The following CD96 variants were observed in gnomAD, a reference collection of about 807,000 sequenced individuals.
The protein encoded by CD96 is CD96 molecule, also known as T-cell surface protein tactile.
In CD96, 70 loss-of-function variants were observed where a neutral mutation model predicts 71.3. That is an observed-to-expected ratio of 0.98 (90% CI 0.81 to 1.20). CD96 has a LOEUF of 1.20. CD96 is among the 50% of genes most tolerant of loss of function. CD96 has a pLI of 0.00. For missense variants in CD96, 742 were observed against 677.5 expected, an observed-to-expected ratio of 1.10 and a Z score of -1.06; for synonymous variants, 248 against 233.0, an observed-to-expected ratio of 1.06 and a Z score of -0.59.
At chr3:111,584,393 C>T (rs1936607265) in intron 4 of CD96, among the ~76,000 whole-genome samples, 1 of 152,212 alleles carries the variant, frequency 6.6e-6, no homozygotes, top group South Asian at 2.1e-4. Flanking sequence ...CATCCTCTGC[C>T]TGTTACCCAG....
chr3:111,593,389 A>T lies in CD96; in HGVS notation c.808-4731A>T, dbSNP rs918717508. 3.6e-5 allele frequency: 34 copies of T among 933,856 alleles called. No individual in the cohort carries two copies. In the African/African-American group the frequency reaches 4.9e-4, roughly 14 times the overall value. The allele number at this position is 933,856 out of a possible 1,614,324, so 57.8% of individuals were successfully genotyped here. A position where few individuals can be genotyped will look rare whatever the true frequency, so the allele number is the denominator to read the frequency against. On this transcript the variant is annotated intron_variant, in intron 5 of 13. Transcript: ENST00000352690. ...AACCTCGTAGATAAGCATTTGGTCA[A>T]TTCAGACCTGCTCAGATTAACTCAT... is the stretch of plus-strand genomic sequence containing the variant.
chr3:111,580,638 CA>C (rs1936423439), intron 4 of CD96, among the ~76,000 whole-genome samples: 1 of 152,104 alleles, frequency 6.6e-6, no homozygotes, highest in Non-Finnish European at 1.5e-5. Context: ...GAAGAAAACA[CA>C]AAATTGCCTC....
chr3:111,602,563 T>C (rs1937521321), intron 7 of CD96, among the ~76,000 whole-genome samples: 2 of 152,308 alleles, frequency 1.3e-5, no homozygotes, highest in East Asian at 3.9e-4. Context: ...CTGGCATATA[T>C]CTATGTGACT....
chr3:111,565,675 T>G (rs1365587342), intron 2 of CD96, among the ~76,000 whole-genome samples: 1 of 151,972 alleles, frequency 6.6e-6, no homozygotes, highest in Non-Finnish European at 1.5e-5. Flanking sequence ...GCTAAGTGAT[T>G]TTTTTTCTCC....
intron 2 of CD96, among the ~76,000 whole-genome samples, chr3:111,550,797 G>T (rs947700760): frequency 9.2e-5 from 14 of 152,114 alleles, no homozygotes; most frequent in Admixed American, 3.9e-4. Context: ...GATTCACTAA[G>T]TTAACACATT....
chr3:111,592,203 C>T (rs1338279467), intron 5 of CD96, among the ~76,000 whole-genome samples: 1 of 152,152 alleles, frequency 6.6e-6, no homozygotes, highest in Non-Finnish European at 1.5e-5. Flanking sequence ...GTGCAGAGGC[C>T]AGAGTACTTT....
chr3:111,637,976 T>C, intron 11 of CD96, 103 bp from the exon 12 acceptor site: 1 of 786,648 alleles, frequency 1.3e-6, no homozygotes, highest in East Asian at 2.5e-5. Context: ...ACTTAGACAA[T>C]TTAAATTGAG....
chr3:111,629,264 G>T (rs1349562818), intron 10 of CD96, among the ~76,000 whole-genome samples: 1 of 152,118 alleles, frequency 6.6e-6, no homozygotes, highest in Non-Finnish European at 1.5e-5. Flanking sequence ...GTCTTCAAGA[G>T]ACCCATCTCA....
At chr3:111,637,406 A>C (rs539212929) in intron 11 of CD96, 145 bp downstream of exon 11, 1 of 693,310 alleles carries the variant, frequency 1.4e-6, no homozygotes, top group East Asian at 2.7e-5. Flanking sequence ...CAATGAATGG[A>C]AACAAAATTC....
intron 3 of CD96, among the ~76,000 whole-genome samples, chr3:111,575,098 A>G (rs1339929283): frequency 6.6e-6 from 1 of 152,144 alleles, no homozygotes; most frequent in East Asian, 1.9e-4. Flanking sequence ...CCAGCCCTTA[A>G]GTAGATTATA....
At chr3:111,564,552 CT>C (rs1314689853) in intron 2 of CD96, among the ~76,000 whole-genome samples, 1 of 152,044 alleles carries the variant, frequency 6.6e-6, no homozygotes, top group Non-Finnish European at 1.5e-5. Flanking sequence ...TCATTGGGAA[CT>C]TTCCAAAATT....
At chr3:111,639,811 T>C (rs748409721) in intron 12 of CD96, among the ~76,000 whole-genome samples, 6 of 152,196 alleles carry the variant, frequency 3.9e-5, no homozygotes, top group Non-Finnish European at 8.8e-5. Context: ...CAGGACTCTA[T>C]GCAGACAACC....
chr3:111,547,454 C>T (rs1292695674), intron 2 of CD96, among the ~76,000 whole-genome samples: 1 of 152,158 alleles, frequency 6.6e-6, no homozygotes, highest in Non-Finnish European at 1.5e-5. Context: ...GTAAACAATA[C>T]TATTGCCTCA....
chr3:111,586,280 G>T (rs2107605247), intron 5 of CD96, among the ~76,000 whole-genome samples: 1 of 151,896 alleles, frequency 6.6e-6, no homozygotes, highest in South Asian at 2.1e-4. Flanking sequence ...CTATTACATG[G>T]GGCGAGAGAA....
chr3:111,602,136 A>G (rs1937514840), intron 7 of CD96, among the ~76,000 whole-genome samples: 1 of 152,206 alleles, frequency 6.6e-6, no homozygotes, highest in Non-Finnish European at 1.5e-5. Flanking sequence ...CAGTCTTGGA[A>G]CAATGTGGAG....
At chr3:111,594,150 CT>C in intron 5 of CD96, 1 of 1,612,614 alleles carries the variant, frequency 6.2e-7, no homozygotes, top group Non-Finnish European at 8.5e-7. Context: ...TCTAAGTCCC[CT>C]TTTGCCTTCA....
chr3:111,599,211 GC>G (rs1265997223), intron 6 of CD96, among the ~76,000 whole-genome samples: 1 of 151,802 alleles, frequency 6.6e-6, no homozygotes, highest in Non-Finnish European at 1.5e-5. Flanking sequence ...CTCGTGATCC[GC>G]CCGCCTCAGC....
At chr3:111,645,072 A>T (rs1024184258) in intron 12 of CD96, among the ~76,000 whole-genome samples, 12 of 152,154 alleles carry the variant, frequency 7.9e-5, no homozygotes, top group African/African-American at 1.2e-4. Flanking sequence ...GTATGTTTAT[A>T]GCAGCACAAT....
chr3:111,640,672 G>A (rs907703187), intron 12 of CD96, among the ~76,000 whole-genome samples: 6 of 152,176 alleles, frequency 3.9e-5, no homozygotes, highest in South Asian at 2.1e-4. Context: ...GATCTTTGCC[G>A]AGGCACATTG....
Sources: gnomAD v4.1 joint callset for allele counts (sites outside exome capture counted in the v4.1 genomes callset) on GRCh38, gnomAD v4.1.1 for gene constraint, MANE v1.5 for transcripts, NCBI Gene and HGNC (gene_info 2026-07-23, HGNC 2026-07-21) for gene names.